The following SGK3 variants were observed in gnomAD, a reference collection of about 807,000 sequenced individuals.
The protein encoded by SGK3 is serine/threonine-protein kinase Sgk3.
Under a neutral mutation model 68.5 loss-of-function variants are expected in SGK3, and 47 were observed. The observed-to-expected ratio is 0.69, with a 90% confidence interval of 0.54 to 0.87. SGK3 has a LOEUF of 0.87. Among genes scored for constraint, SGK3 ranks in the 40% least tolerant of loss-of-function variants. The probability of loss-of-function intolerance (pLI) is 0.00; values close to 1 mark genes in which losing one functional copy is unlikely to be tolerated. For missense variants in SGK3, 479 were observed against 575.5 expected (o/e 0.83, Z 1.72); for synonymous variants, 181 against 189.1 (o/e 0.96, Z 0.35).
At chr8:66,824,158 A>G (rs1808960883) in intron 6 of SGK3, among the ~76,000 whole-genome samples, 1 of 152,288 alleles carries the variant, frequency 6.6e-6, no homozygotes, top group Non-Finnish European at 1.5e-5. Flanking sequence ...TTACTTTTAC[A>G]TCTGTGACAT....
At chr8:66,731,047 T>C (rs751242327) in intron 1 of SGK3, among the ~76,000 whole-genome samples, 10 of 152,180 alleles carry the variant, frequency 6.6e-5, no homozygotes, top group Non-Finnish European at 1.0e-4. Context: ...CTTAAAAGTA[T>C]ATTGTTTAAT....
At chr8:66,831,201 A>G in intron 7 of SGK3, 53 bp from the exon 8 acceptor site, 1 of 1,598,184 alleles carries the variant, frequency 6.3e-7, no homozygotes, top group Non-Finnish European at 8.6e-7. Flanking sequence ...AATGTTTAAA[A>G]GTTAATATTT....
chr8:66,737,050 TTA>T (rs1805338598), intron 1 of SGK3, among the ~76,000 whole-genome samples: 1 of 152,018 alleles, frequency 6.6e-6, no homozygotes, highest in South Asian at 2.1e-4. Context: ...AGTATTGGGA[TTA>T]CAGGCAAGAG....
chr8:66,801,648 C>T (rs1207859777), intron 3 of SGK3, among the ~76,000 whole-genome samples: 2 of 150,112 alleles, frequency 1.3e-5, no homozygotes, highest in African/African-American at 5.0e-5. Flanking sequence ...TCTTTCTTTC[C>T]CTCTCTCTTT....
At chr8:66,786,695 C>T (rs947588748) in intron 1 of SGK3, among the ~76,000 whole-genome samples, 1 of 152,102 alleles carries the variant, frequency 6.6e-6, no homozygotes, top group Non-Finnish European at 1.5e-5. Context: ...ATAATTTTGG[C>T]TTCTCTTTCC....
intron 3 of SGK3, among the ~76,000 whole-genome samples, chr8:66,802,380 T>G (rs913619733): frequency 6.7e-6 from 1 of 149,492 alleles, no homozygotes; most frequent in Non-Finnish European, 1.5e-5. Flanking sequence ...TATTTTAAAC[T>G]TTTTATTATA....
intron 16 of SGK3, among the ~76,000 whole-genome samples, chr8:66,853,550 A>G (rs1389167823): frequency 2.6e-5 from 4 of 152,196 alleles, no homozygotes; most frequent in Non-Finnish European, 5.9e-5. Context: ...TTCTATGATG[A>G]ATGTTTCTAG....
At chr8:66,801,326 G>A (rs1027657630) in intron 3 of SGK3, among the ~76,000 whole-genome samples, 1 of 152,040 alleles carries the variant, frequency 6.6e-6, no homozygotes, top group Non-Finnish European at 1.5e-5. Flanking sequence ...TTAGATATTT[G>A]CTTAATCAAA....
chr8:66,752,043 G>A (rs1246060311), intron 1 of SGK3, among the ~76,000 whole-genome samples: 1 of 152,154 alleles, frequency 6.6e-6, no homozygotes, highest in African/African-American at 2.4e-5. Flanking sequence ...GGGATTACAG[G>A]CATGAGCCCC....
intron 1 of SGK3, chr8:66,767,737 G>A (rs1183214295): frequency 7.1e-6 from 11 of 1,547,416 alleles, no homozygotes; most frequent in African/African-American, 6.8e-5. Context: ...CATCTTTTTG[G>A]CAGAAAAGCT....
intron 1 of SGK3, among the ~76,000 whole-genome samples, chr8:66,726,502 T>A (rs560372733): frequency 1.3e-5 from 2 of 152,322 alleles, no homozygotes; most frequent in African/African-American, 4.8e-5. Flanking sequence ...TAAATGAGCT[T>A]GAAAATGGGC....
chr8:66,782,326 C>T (rs1026468489), intron 1 of SGK3, among the ~76,000 whole-genome samples: 2 of 143,866 alleles, frequency 1.4e-5, no homozygotes, highest in Admixed American at 7.0e-5. Flanking sequence ...ATGTGTATGG[C>T]TTTTTTTTTT....
intron 1 of SGK3, among the ~76,000 whole-genome samples, chr8:66,758,716 A>G (rs1437736945): frequency 1.3e-5 from 2 of 152,204 alleles, no homozygotes; most frequent in Non-Finnish European, 2.9e-5. Flanking sequence ...GAGTCTTGCT[A>G]TATTGTCCAG....
At chr8:66,835,697 C>A (rs915266212) in intron 8 of SGK3, 66 bp from the exon 9 acceptor site, 10 of 1,511,288 alleles carry the variant, frequency 6.6e-6, no homozygotes, top group Non-Finnish European at 9.0e-6. Flanking sequence ...GATGTGTTGA[C>A]AAGTGAATTA....
In SGK3 at chr8:66,793,603, T is replaced by C. The variant is rs1807554172; in HGVS notation, c.-121-13T>C. ...GTTTTGCTAATCACTTTTTTTTTTT[T>C]CTGTTGGTTAAGGTTGCATGATGGA... On this transcript the variant is annotated splice_polypyrimidine_tract_variant and intron_variant, in intron 1 of 16. Coordinates refer to ENST00000521198, the MANE Select transcript of SGK3 (RefSeq NM_001033578.3). 3 of 744,896 alleles carry C rather than the reference T, an allele frequency of 4.0e-6. No individual in the cohort carries two copies. The highest frequency in any genetic ancestry group is 6.5e-5 in the Admixed American group (2 of 30,646). The allele number at this position is 744,896 out of a possible 1,614,324, so 46.1% of individuals were successfully genotyped here.
intron 6 of SGK3, among the ~76,000 whole-genome samples, chr8:66,825,273 T>A (rs1809005662): frequency 6.6e-6 from 1 of 152,126 alleles, no homozygotes; most frequent in South Asian, 2.1e-4. Flanking sequence ...AAAGAATCTC[T>A]TTTAAAAAAG....
At position 66,743,854 on chromosome 8, in the gene SGK3, G is replaced by A. The variant is rs149890719; in HGVS notation, c.-122+31021G>A. The stretch of plus-strand genomic sequence containing the variant: ...TTGTCTCTAATTCTTCCTAAGCCCT[G>A]TAGCAGCCTTGCCATACAATTTTCC... On this transcript the variant is annotated intron_variant, in intron 1 of 16. Transcript: ENST00000521198. Among the ~76,000 whole-genome samples the A allele has an allele frequency of 2.9e-3, 446 of 152,322 alleles. 3 individuals carry two copies. The highest frequency in any genetic ancestry group is 0.01 in the African/African-American group (434 of 41,586).
chr8:66,823,449 A>G (rs1266622390), intron 6 of SGK3, among the ~76,000 whole-genome samples: 1 of 149,306 alleles, frequency 6.7e-6, no homozygotes, highest in Non-Finnish European at 1.5e-5. Flanking sequence ...CCTAGGCCAG[A>G]GTCAGTGGCG....
intron 1 of SGK3, chr8:66,775,078 TC>T (rs1806643140): frequency 6.6e-6 from 1 of 152,330 alleles, no homozygotes; most frequent in Non-Finnish European, 1.5e-5. Context: ...CACCGGCAGC[TC>T]CTTCGGGGGT....
Sources: allele counts gnomAD v4.1 joint callset (sites outside exome capture counted in the v4.1 genomes callset), GRCh38; gene constraint gnomAD v4.1.1; transcripts MANE v1.5; gene names NCBI Gene and HGNC (gene_info 2026-07-23, HGNC 2026-07-21).